SLC24A2: variants seen among roughly 807,000 people sequenced by gnomAD.
SLC24A2 encodes the protein solute carrier family 24 member 2.
Under a neutral mutation model 62.0 loss-of-function variants are expected in SLC24A2, and 36 were observed. That is an observed-to-expected ratio of 0.58 (90% CI 0.44 to 0.77). SLC24A2 has a LOEUF of 0.77. Ranked by LOEUF, SLC24A2 falls within the 30% of genes least tolerant of loss-of-function variation. The pLI is 0.00. For missense variants in SLC24A2, 846 were observed against 817.9 expected (o/e 1.03, Z -0.42); for synonymous variants, 358 against 294.0 (o/e 1.22, Z -2.23).
chr9:20,118,538 T>C, the SLC24A2 span, among the ~76,000 whole-genome samples: 3 of 152,092 alleles, frequency 2.0e-5, no homozygotes, highest in Admixed American at 2.0e-4. Context: ...ATGCTGTTCT[T>C]AAGTTTTTTT....
At chr9:19,824,059 C>T in the SLC24A2 span, among the ~76,000 whole-genome samples, 35 of 152,148 alleles carry the variant, frequency 2.3e-4, 1 homozygote, top group South Asian at 4.8e-3. Context: ...AATCTAAAAC[C>T]ATAAAAACCC....
the SLC24A2 span, among the ~76,000 whole-genome samples, chr9:20,034,221 C>G: frequency 3.3e-5 from 5 of 152,076 alleles, no homozygotes; most frequent in Non-Finnish European, 5.9e-5. Context: ...ATAAAATATT[C>G]TTTTTATTAT....
At chr9:19,586,354 C>T (rs1421459066) in intron 5 of SLC24A2, among the ~76,000 whole-genome samples, 1 of 152,140 alleles carries the variant, frequency 6.6e-6, no homozygotes, top group Non-Finnish European at 1.5e-5. Context: ...GCAACATTAA[C>T]ACAAACAACA....
At chr9:19,941,966 T>G in the SLC24A2 span, among the ~76,000 whole-genome samples, 1 of 152,174 alleles carries the variant, frequency 6.6e-6, no homozygotes, top group African/African-American at 2.4e-5. Flanking sequence ...AGATAAAATA[T>G]GAAAATGTAG....
the SLC24A2 span, among the ~76,000 whole-genome samples, chr9:20,078,235 T>G: frequency 6.6e-6 from 1 of 152,168 alleles, no homozygotes; most frequent in Non-Finnish European, 1.5e-5. Context: ...GGAGCAACTC[T>G]GAGCAGAACC....
chr9:19,714,000 T>C (rs1010476216), intron 2 of SLC24A2, among the ~76,000 whole-genome samples: 2 of 152,232 alleles, frequency 1.3e-5, no homozygotes, highest in African/African-American at 4.8e-5. Flanking sequence ...TAGCCAATTA[T>C]TAAATGAAGT....
intron 8 of SLC24A2, among the ~76,000 whole-genome samples, chr9:19,547,044 G>C (rs982725745): frequency 1.3e-5 from 2 of 152,136 alleles, no homozygotes; most frequent in African/African-American, 4.8e-5. Context: ...CTCGCTGGGA[G>C]CTGCATACTG....
At chr9:20,034,060 C>T in the SLC24A2 span, among the ~76,000 whole-genome samples, 1 of 152,028 alleles carries the variant, frequency 6.6e-6, no homozygotes, top group African/African-American at 2.4e-5. Flanking sequence ...ACAAAGTTGA[C>T]CAAAGAGAGA....
chr9:20,207,650 G>T, the SLC24A2 span, among the ~76,000 whole-genome samples: 1 of 152,016 alleles, frequency 6.6e-6, no homozygotes, highest in African/African-American at 2.4e-5. Context: ...ACACTTAATG[G>T]GTGCTTTAAA....
chr9:20,296,433 T>C, the SLC24A2 span, among the ~76,000 whole-genome samples: 1 of 148,490 alleles, frequency 6.7e-6, no homozygotes, highest in African/African-American at 2.6e-5. Context: ...ATTTTAGACA[T>C]TTTTTATAAA....
chr9:19,548,422 C>T (rs575220833), intron 8 of SLC24A2, among the ~76,000 whole-genome samples: 3 of 152,136 alleles, frequency 2.0e-5, no homozygotes, highest in Non-Finnish European at 4.4e-5. Context: ...TTTCTTTCTA[C>T]TTATGCCAAC....
At chr9:19,583,130 A>C (rs1228914834) in intron 5 of SLC24A2, among the ~76,000 whole-genome samples, 1 of 151,920 alleles carries the variant, frequency 6.6e-6, no homozygotes, top group Non-Finnish European at 1.5e-5. Flanking sequence ...GTGCAGTGAA[A>C]CTCATCCTGA....
intron 2 of SLC24A2, among the ~76,000 whole-genome samples, chr9:19,681,735 C>A (rs1449681544): frequency 6.6e-6 from 1 of 152,106 alleles, no homozygotes; most frequent in Admixed American, 6.6e-5. Context: ...AATAATAGAG[C>A]CCACTAGTAG....
intron 3 of SLC24A2, 81 bp from the exon 4 acceptor site, chr9:19,619,773 G>A (rs1817865461): frequency 9.7e-7 from 1 of 1,031,592 alleles, no homozygotes; most frequent in Non-Finnish European, 1.5e-6. Flanking sequence ...ACCTAGTCTG[G>A]TGGCCACTCA....
chr9:19,784,218 A>G (rs1244537430), intron 2 of SLC24A2, among the ~76,000 whole-genome samples: 2 of 152,216 alleles, frequency 1.3e-5, no homozygotes, highest in Non-Finnish European at 2.9e-5. Context: ...CTATATTTGG[A>G]AAGCTATTTC....
At chr9:19,710,753 G>C (rs1820691215) in intron 2 of SLC24A2, among the ~76,000 whole-genome samples, 1 of 152,092 alleles carries the variant, frequency 6.6e-6, no homozygotes. Flanking sequence ...GTCTCATGGG[G>C]GTTTTAGGCA....
the SLC24A2 span, among the ~76,000 whole-genome samples, chr9:20,183,100 A>G: frequency 6.6e-6 from 1 of 152,136 alleles, no homozygotes; most frequent in South Asian, 2.1e-4. Flanking sequence ...TGAACCTAAA[A>G]TCTAGATCTA....
At chr9:19,785,879 A>C in intron 2 of SLC24A2, 58 bp downstream of exon 2, 1 of 1,611,578 alleles carries the variant, frequency 6.2e-7, no homozygotes, top group South Asian at 1.1e-5. Flanking sequence ...TCTCAAAAAC[A>C]TAATAATTCA....
chr9:19,511,455 T>C lies in SLC24A2; in HGVS notation c.*4698A>G, dbSNP rs1012064855. 2 of 152,198 alleles carry C rather than the reference T, an allele frequency of 1.3e-5. No individual in the cohort carries two copies. The highest frequency in any genetic ancestry group is 2.4e-5 in the African/African-American group (1 of 41,446). 9.4% of individuals were successfully genotyped at this position (152,198 alleles called of 1,614,324 possible). A position where few individuals can be genotyped will look rare whatever the true frequency, so the allele number is the denominator to read the frequency against. On this transcript the variant is annotated 3_prime_UTR_variant, in exon 11 of 11. Coordinates refer to ENST00000341998, the MANE Select transcript of SLC24A2 (RefSeq NM_020344.4). The stretch of plus-strand genomic sequence containing the variant: ...ACATAGCCTGATATTTGTTACTGTT[T>C]TAAACTACATAGGGATATATTTCCA...
Sources: allele counts gnomAD v4.1 joint callset (sites outside exome capture counted in the v4.1 genomes callset), GRCh38; gene constraint gnomAD v4.1.1; transcripts MANE v1.5; gene names NCBI Gene and HGNC (gene_info 2026-07-23, HGNC 2026-07-21).